The following TRMT11 variants were observed in gnomAD, a reference collection of about 807,000 sequenced individuals.
TRMT11 encodes the protein tRNA (guanine(10)-N(2))-methyltransferase TRMT11.
In TRMT11, 53 loss-of-function variants were observed where a neutral mutation model predicts 62.8. That is an observed-to-expected ratio of 0.84 (90% CI 0.68 to 1.06). The LOEUF (loss-of-function observed/expected upper bound fraction) is 1.06, where lower values mean the gene tolerates loss of function less well. Ranked by LOEUF, TRMT11 falls within the 50% of genes least tolerant of loss-of-function variation. The pLI is 0.00. For missense variants in TRMT11, 556 were observed against 553.4 expected (o/e 1.00, Z -0.05); for synonymous variants, 188 against 190.3 (o/e 0.99, Z 0.10).
the TRMT11 span, among the ~76,000 whole-genome samples, chr6:126,268,156 C>T: frequency 7.6e-3 from 1,163 of 152,260 alleles, 5 homozygotes; most frequent in Middle Eastern, 0.02. Context: ...CACAGCACGT[C>T]CCTTCAACCA....
At chr6:126,050,894 T>C (rs1776197256) in intron 16 of TRMT11, among the ~76,000 whole-genome samples, 1 of 152,086 alleles carries the variant, frequency 6.6e-6, no homozygotes. Flanking sequence ...CACTACAGGG[T>C]CAAAGATTAG....
upstream of TRMT11, among the ~76,000 whole-genome samples, chr6:126,176,080 A>G (rs73771407): frequency 0.11 from 16,278 of 152,230 alleles, 2,892 homozygotes; most frequent in African/African-American, 0.37. Context: ...AATCACTGAA[A>G]CGCCAATTTG....
intron 21 of TRMT11, among the ~76,000 whole-genome samples, chr6:126,130,278 G>A (rs1032149788): frequency 5.9e-5 from 9 of 152,106 alleles, no homozygotes; most frequent in Non-Finnish European, 8.8e-5. Flanking sequence ...GTTGCTCGAT[G>A]TGGTGCTCTA....
intron 11 of TRMT11, among the ~76,000 whole-genome samples, chr6:126,015,083 TA>T (rs35779045): frequency 0.71 from 106,484 of 149,070 alleles, 38,167 homozygotes; most frequent in East Asian, 0.92. Context: ...AGGGCTAAAA[TA>T]AAAAAAAAAA....
chr6:126,175,745 A>G (rs1429611084), upstream of TRMT11, among the ~76,000 whole-genome samples: 1 of 152,194 alleles, frequency 6.6e-6, no homozygotes. Flanking sequence ...ATCTTTATTC[A>G]GTTTAGTACT....
At chr6:126,217,675 C>T in the TRMT11 span, among the ~76,000 whole-genome samples, 4 of 152,206 alleles carry the variant, frequency 2.6e-5, no homozygotes, top group Non-Finnish European at 5.9e-5. Context: ...ACCACTGAGA[C>T]TGTGCTGGGT....
the TRMT11 span, among the ~76,000 whole-genome samples, chr6:126,231,777 T>G: frequency 6.6e-6 from 1 of 152,326 alleles, no homozygotes; most frequent in Non-Finnish European, 1.5e-5. Context: ...GCAACAAAGC[T>G]TAGTTACATT....
intron 11 of TRMT11, 36 bp from the exon 12 acceptor site, chr6:126,021,124 G>A (rs769269040): frequency 6.2e-7 from 1 of 1,611,896 alleles, no homozygotes; most frequent in Non-Finnish European, 8.5e-7. Context: ...GCCCACACAT[G>A]TGAGTGTTCC....
At chr6:126,088,183 G>C (rs1358391337) in intron 17 of TRMT11, among the ~76,000 whole-genome samples, 1 of 151,886 alleles carries the variant, frequency 6.6e-6, no homozygotes, top group Non-Finnish European at 1.5e-5. Flanking sequence ...TAAGCACTCA[G>C]TAAGCATTAA....
At chr6:126,263,825 A>C in the TRMT11 span, among the ~76,000 whole-genome samples, 1 of 152,246 alleles carries the variant, frequency 6.6e-6, no homozygotes, top group African/African-American at 2.4e-5. Flanking sequence ...AAACCTCAGA[A>C]AGAGACTTTG....
chr6:126,219,145 A>G, the TRMT11 span, among the ~76,000 whole-genome samples: 6 of 152,312 alleles, frequency 3.9e-5, no homozygotes, highest in Admixed American at 3.3e-4. Context: ...TTTCAGTAAT[A>G]TGAAGTTAAA....
chr6:126,242,192 A>G, the TRMT11 span, among the ~76,000 whole-genome samples: 1 of 152,206 alleles, frequency 6.6e-6, no homozygotes, highest in African/African-American at 2.4e-5. Flanking sequence ...CAATTGCTTC[A>G]AAGAAAATAA....
chr6:126,008,505 T>C (rs1266360475), intron 8 of TRMT11, 33 bp downstream of exon 8: 1 of 1,558,966 alleles, frequency 6.4e-7, no homozygotes, highest in South Asian at 1.1e-5. Context: ...ATTATAGTCA[T>C]TGCTGTGGTG....
At chr6:126,241,869 G>C in the TRMT11 span, among the ~76,000 whole-genome samples, 11 of 152,214 alleles carry the variant, frequency 7.2e-5, no homozygotes, top group African/African-American at 2.6e-4. Flanking sequence ...TTTGAAAACT[G>C]GCACAAGACA....
the TRMT11 span, among the ~76,000 whole-genome samples, chr6:126,269,675 A>T: frequency 6.6e-6 from 1 of 152,232 alleles, no homozygotes; most frequent in Admixed American, 6.5e-5. Context: ...AAATTGGTTG[A>T]AAAACTTTAC....
intron 17 of TRMT11, among the ~76,000 whole-genome samples, chr6:126,081,133 C>A (rs1178243219): frequency 6.6e-6 from 1 of 152,144 alleles, no homozygotes; most frequent in Non-Finnish European, 1.5e-5. Context: ...TGACTGTGAA[C>A]CATAAATTTA....
chr6:126,079,825 A>T (rs1777119946), intron 17 of TRMT11, among the ~76,000 whole-genome samples: 1 of 152,168 alleles, frequency 6.6e-6, no homozygotes, highest in Non-Finnish European at 1.5e-5. Flanking sequence ...ACCATGGAGG[A>T]TGTGCCATTG....
chr6:126,220,756 A>AT, the TRMT11 span, among the ~76,000 whole-genome samples: 65 of 147,086 alleles, frequency 4.4e-4, no homozygotes, highest in Middle Eastern at 6.9e-3. Flanking sequence ...CTGGATGTCT[A>AT]TTTTTTTTTT....
the TRMT11 span, among the ~76,000 whole-genome samples, chr6:126,261,039 C>A: frequency 6.6e-6 from 1 of 152,132 alleles, no homozygotes; most frequent in Non-Finnish European, 1.5e-5. Context: ...TTTATTTCTT[C>A]TCCCTCTAAA....
Sources: allele counts gnomAD v4.1 joint callset (sites outside exome capture counted in the v4.1 genomes callset), GRCh38; gene constraint gnomAD v4.1.1; transcripts MANE v1.5; gene names NCBI Gene and HGNC (gene_info 2026-07-23, HGNC 2026-07-21).